The following MYCBP2 variants were observed in gnomAD, a reference collection of about 807,000 sequenced individuals.
MYCBP2 encodes E3 ubiquitin-protein ligase MYCBP2.
MYCBP2 carries 120 observed loss-of-function variants against 525.3 expected under a neutral mutation model. The ratio of observed to expected loss-of-function variants is 0.23; its 90% CI spans 0.20 to 0.27. MYCBP2 has a LOEUF of 0.27. Ranked by LOEUF, MYCBP2 falls within the 10% of genes least tolerant of loss-of-function variation. The pLI, the probability that MYCBP2 is intolerant of heterozygous loss-of-function variation, is 1.00. For missense variants in MYCBP2, 4,149 were observed against 5,657.1 expected, an observed-to-expected ratio of 0.73 and a Z score of 8.55; for synonymous variants, 1,894 against 1,955.8, an observed-to-expected ratio of 0.97 and a Z score of 0.83.
rs2067376410 is a variant in MYCBP2 at position 77,233,263 on chromosome 13, C to G, written c.2630G>C (p.Gly877Ala). The change falls in exon 18 of 83, where the codon GGC becomes GCC. Residue 877 changes from glycine to alanine, a missense_variant and splice_region_variant. Transcript: ENST00000544440. ...IRRHRLEEGR[G>A]PLVFAGPIFM... The stretch of plus-strand genomic sequence containing the variant: ...AATAGGACCAGCAAATACAAGGGGG[C>G]CTGAGGAGAAACATTTTGTATGTGC... The G allele has an allele frequency of 1.2e-6, 2 of 1,610,864 alleles. No homozygotes were observed. Among genetic ancestry groups the G allele is most frequent in the Non-Finnish European group, 1.7e-6 (2 of 1,177,694 alleles).
At chr13:77,090,895 ATACT>A (rs1014475800) in intron 59 of MYCBP2, among the ~76,000 whole-genome samples, 12 of 152,224 alleles carry the variant, frequency 7.9e-5, no homozygotes, top group Admixed American at 1.3e-4. Flanking sequence ...ACATTTAAAA[ATACT>A]TACAAAGTTA....
chr13:77,326,827 A>G lies in MYCBP2; in HGVS notation c.-52T>C. 7.3e-7 allele frequency: 1 copy of G among 1,373,028 alleles called. No individual in the cohort carries two copies. Among genetic ancestry groups the G allele is most frequent in the Non-Finnish European group, 9.3e-7 (1 of 1,075,720 alleles). The allele number at this position is 1,373,028 out of a possible 1,614,324, so 85.1% of individuals were successfully genotyped here. On this transcript the variant is annotated 5_prime_UTR_variant, in exon 1 of 83. Transcript: ENST00000544440. This position sits in a 1 kb window ranked among gnomAD's most constrained non-coding sequence, Gnocchi z 4.2. Reference sequence around the variant, plus strand: ...CCTCGTCCCCGCGGGCCGGGCGGGCAGACACGCGCGCGCACACACAGCCCT... The same window carrying G: ...CCTCGTCCCCGCGGGCCGGGCGGGCGGACACGCGCGCGCACACACAGCCCT...
intron 3 of MYCBP2, among the ~76,000 whole-genome samples, chr13:77,286,786 A>G (rs2076847782): frequency 1.1e-5 from 1 of 91,540 alleles, no homozygotes; most frequent in African/African-American, 4.9e-5. Context: ...AAAAAAAAAA[A>G]AAAATATATA....
chr13:77,155,755 A>G (rs1478385923), intron 46 of MYCBP2, among the ~76,000 whole-genome samples: 1 of 152,196 alleles, frequency 6.6e-6, no homozygotes, highest in Non-Finnish European at 1.5e-5. Flanking sequence ...TATTCAATCA[A>G]TACATATTGA....
chr13:77,179,018 G>C (rs2059970664), intron 34 of MYCBP2, among the ~76,000 whole-genome samples: 1 of 152,186 alleles, frequency 6.6e-6, no homozygotes, highest in East Asian at 1.9e-4. Flanking sequence ...AAGAAACTTA[G>C]AAAGTGCTTC....
At chr13:77,153,720 CTT>C (rs893174467) in intron 46 of MYCBP2, among the ~76,000 whole-genome samples, 34 of 149,468 alleles carry the variant, frequency 2.3e-4, no homozygotes, top group Admixed American at 5.4e-4. Flanking sequence ...GTGACTTTCT[CTT>C]GTCAATAAAT....
intron 55 of MYCBP2, chr13:77,118,192 G>A (rs2050102051): frequency 1.7e-6 from 1 of 586,864 alleles, no homozygotes; most frequent in Non-Finnish European, 3.0e-6. Context: ...GCTCAGAATA[G>A]CTTAGATATT....
At chr13:77,226,735 A>G (rs1405488183) in intron 18 of MYCBP2, among the ~76,000 whole-genome samples, 1 of 152,164 alleles carries the variant, frequency 6.6e-6, no homozygotes, top group Non-Finnish European at 1.5e-5. Flanking sequence ...TACCTACATT[A>G]TTACTTTCCT....
intron 12 of MYCBP2, 47 bp downstream of exon 12, chr13:77,261,124 A>T (rs1442825665): frequency 6.8e-7 from 1 of 1,475,930 alleles, no homozygotes; most frequent in Non-Finnish European, 9.2e-7. Flanking sequence ...TTTTACTAAA[A>T]TAAAGCATTT....
At chr13:77,212,953 G>A (rs1352418719) in intron 21 of MYCBP2, among the ~76,000 whole-genome samples, 2 of 152,146 alleles carry the variant, frequency 1.3e-5, no homozygotes, top group Non-Finnish European at 2.9e-5. Flanking sequence ...GGAGCCTGGA[G>A]CACTGCGAAC....
intron 42 of MYCBP2, 98 bp downstream of exon 42, chr13:77,165,175 A>T: frequency 9.6e-7 from 1 of 1,044,758 alleles, no homozygotes; most frequent in Non-Finnish European, 1.4e-6. Context: ...TTTTTCGAAT[A>T]GAGGCAACAG....
In MYCBP2 at chr13:77,278,846, G is replaced by C; in HGVS notation, c.660C>G (p.Ser220=). ...LIKETRFSHP[S]LCLRSLQALL... ...GGGCTTGGAGACTCCTGAGACACAG[G>C]GATGGATGAGAAAATCGTGTCTCTT... The change falls in exon 4 of 83, where the codon TCC becomes TCG. Residue 220 remains serine, a synonymous_variant. Coordinates refer to ENST00000544440, the MANE Select transcript of MYCBP2 (RefSeq NM_015057.5). 6.3e-7 allele frequency: 1 copy of C among 1,598,512 alleles called. No homozygotes were observed. The highest frequency in any genetic ancestry group is 8.5e-7 in the Non-Finnish European group (1 of 1,172,766).
chr13:77,125,216 T>G lies in MYCBP2; in HGVS notation c.8017+120A>C, dbSNP rs1020493095. The G allele has an allele frequency of 2.4e-6, 3 of 1,273,872 alleles. No homozygotes were observed. The African/African-American group carries it at 4.5e-5, about 19-fold the overall frequency. The allele number at this position is 1,273,872 out of a possible 1,614,324, so 78.9% of individuals were successfully genotyped here. A position where few individuals can be genotyped will look rare whatever the true frequency, so the allele number is the denominator to read the frequency against. On this transcript the variant is annotated intron_variant, in intron 54 of 82. Transcript: ENST00000544440. ...AGTTGCAAGATTTTTTAACTTTTAG[T>G]TTTGCTTGTTAAAAAGCAAACACAC...
intron 44 of MYCBP2, 106 bp from the exon 45 acceptor site, chr13:77,158,215 A>T (rs2057446477): frequency 1.6e-6 from 1 of 623,934 alleles, no homozygotes; most frequent in East Asian, 3.4e-5. Flanking sequence ...CGGAGAAATC[A>T]TTTTCTCCAC....
intron 26 of MYCBP2, among the ~76,000 whole-genome samples, chr13:77,203,665 C>A (rs1419139959): frequency 6.6e-6 from 1 of 152,140 alleles, no homozygotes; most frequent in Non-Finnish European, 1.5e-5. Context: ...GCTACAGTAA[C>A]CAAAACAGCA....
Position 77,161,892 on chromosome 13 carries a change from A to G in MYCBP2, c.6597+14T>C. ...AATGTACAAAGTTTATCCTTAAAAC[A>G]TTTGGGACAATACCTGCAATGCAGC... is the stretch of plus-strand genomic sequence containing the variant. On this transcript the variant is annotated intron_variant, in intron 44 of 82. Coordinates refer to ENST00000544440, the MANE Select transcript of MYCBP2 (RefSeq NM_015057.5). 1.3e-6 allele frequency: 2 copies of G among 1,598,288 alleles called. No individual in the cohort carries two copies. Among genetic ancestry groups the G allele is most frequent in the Non-Finnish European group, 1.7e-6 (2 of 1,169,180 alleles).
chr13:77,318,728 T>A (rs903586224), intron 1 of MYCBP2, among the ~76,000 whole-genome samples: 1 of 152,198 alleles, frequency 6.6e-6, no homozygotes, highest in Admixed American at 6.5e-5. Flanking sequence ...CACTCTGGCC[T>A]GGGTGACAGA....
At chr13:77,215,201 G>T (rs760293461) in intron 21 of MYCBP2, among the ~76,000 whole-genome samples, 7 of 152,084 alleles carry the variant, frequency 4.6e-5, no homozygotes, top group Non-Finnish European at 7.3e-5. Flanking sequence ...TTAATCAAAG[G>T]ATAGGGTGAG....
rs1034226733 is a variant in MYCBP2 at position 77,270,605 on chromosome 13, C to A, written c.946-67G>T. 8.4e-6 allele frequency: 12 copies of A among 1,426,220 alleles called. No homozygotes were observed. The African/African-American group carries it at 1.7e-4, about 21-fold the overall frequency. 88.3% of individuals were successfully genotyped at this position (1,426,220 alleles called of 1,614,324 possible). On this transcript the variant is annotated intron_variant, in intron 5 of 82. Transcript: ENST00000544440. The stretch of plus-strand genomic sequence containing the variant: ...ATGTTACAAACACAGAACAAAGATA[C>A]TTTGGTAATACATCATCATTCATAA...
Sources: allele counts gnomAD v4.1 joint callset (sites outside exome capture counted in the v4.1 genomes callset), GRCh38; gene constraint gnomAD v4.1.1; non-coding constraint Gnocchi (gnomAD v3.1); transcripts MANE v1.5; gene names NCBI Gene and HGNC (gene_info 2026-07-23, HGNC 2026-07-21).